FAM118B: variants seen among roughly 807,000 people sequenced by gnomAD.
FAM118B encodes SIR2 antiphage like 1.
A neutral mutation model predicts 38.5 loss-of-function variants in FAM118B; 24 were observed. The ratio of observed to expected loss-of-function variants is 0.62; its 90% CI spans 0.45 to 0.88. The LOEUF is 0.88. Ranked by LOEUF, FAM118B falls within the 40% of genes least tolerant of loss-of-function variation. The probability of loss-of-function intolerance (pLI) is 0.00; values close to 1 mark genes in which losing one functional copy is unlikely to be tolerated. For synonymous variants in FAM118B, 138 were observed against 156.3 expected (o/e 0.88, Z 0.87); for missense variants, 334 against 420.0 (o/e 0.80, Z 1.79).
At chr11:126,213,713 C>A (rs963264473) in intron 1 of FAM118B, among the ~76,000 whole-genome samples, 1 of 152,180 alleles carries the variant, frequency 6.6e-6, no homozygotes, top group Non-Finnish European at 1.5e-5. Context: ...CAAGAAACTA[C>A]ACCTGTTCTT....
intron 4 of FAM118B, among the ~76,000 whole-genome samples, chr11:126,248,417 C>G (rs1443304813): frequency 1.7e-5 from 2 of 114,900 alleles, no homozygotes; most frequent in East Asian, 6.3e-4. Context: ...GTTGCCCAGG[C>G]TGGAGTGCAA....
chr11:126,237,869 A>AG (rs1384527730), intron 3 of FAM118B, among the ~76,000 whole-genome samples: 3 of 150,652 alleles, frequency 2.0e-5, no homozygotes, highest in Non-Finnish European at 4.4e-5. Flanking sequence ...AAAAAAAAAA[A>AG]AAAAGAAAAG....
At chr11:126,223,417 T>G (rs2135134539) in intron 1 of FAM118B, among the ~76,000 whole-genome samples, 1 of 151,848 alleles carries the variant, frequency 6.6e-6, no homozygotes, top group Non-Finnish European at 1.5e-5. Flanking sequence ...GCTAACACGG[T>G]GAAACCCCAT....
rs1008970230 is a variant in FAM118B, at chr11:126,246,630, T to G, written c.340-3876T>G. Among the ~76,000 whole-genome samples, 3 of 152,142 alleles carry G rather than the reference T, an allele frequency of 2.0e-5. No individual in the cohort carries two copies. In the Middle Eastern group the frequency reaches 0.01, roughly 517 times the overall value. ...TTTTCTTTCTTTTTTTAAATAGAAATGGGGTCTCCCTGTGTTGCCCAGGCT... is the reference window on the plus strand; with the variant it reads ...TTTTCTTTCTTTTTTTAAATAGAAAGGGGGTCTCCCTGTGTTGCCCAGGCT... On this transcript the variant is annotated intron_variant, in intron 4 of 8. Transcript: ENST00000533050.
At chr11:126,214,518 T>TTTTTTTTTTTTG (rs1555048625) in intron 1 of FAM118B, 1 of 129,056 alleles carries the variant, frequency 7.7e-6, no homozygotes, top group Non-Finnish European at 1.7e-5. Flanking sequence ...TTTTTTGTTT[T>TTTTTTTTTTTTG]TTTTTTTTTA....
intron 1 of FAM118B, among the ~76,000 whole-genome samples, chr11:126,222,797 C>T (rs1317192397): frequency 6.6e-6 from 1 of 152,202 alleles, no homozygotes; most frequent in Non-Finnish European, 1.5e-5. Context: ...ACTTCTTCTG[C>T]ACCGTATACA....
intron 1 of FAM118B, among the ~76,000 whole-genome samples, chr11:126,219,790 A>C (rs1485620004): frequency 1.3e-5 from 2 of 152,044 alleles, no homozygotes; most frequent in Non-Finnish European, 2.9e-5. Flanking sequence ...AGCCACTAGA[A>C]ATAGACTGCT....
In FAM118B at chr11:126,252,838, C is replaced by A. The variant is rs1950523284; in HGVS notation, c.568-1467C>A. On this transcript the variant is annotated intron_variant, in intron 5 of 8. Transcript: ENST00000533050. The surrounding 1 kb of genome is among the most constrained non-coding windows in gnomAD (Gnocchi z 4.7). The stretch of plus-strand genomic sequence containing the variant: ...TCACTTGAGGTCAGGATTTTGAGAC[C>A]AGCCTGTCCAACATGGTGAAACCCC... Among the ~76,000 whole-genome samples the A allele has an allele frequency of 6.6e-6, 1 of 152,054 alleles. No individual in the cohort carries two copies. The highest frequency in any genetic ancestry group is 1.5e-5 in the Non-Finnish European group (1 of 68,032).
chr11:126,232,722 TAA>T (rs908033174), intron 2 of FAM118B, among the ~76,000 whole-genome samples: 2 of 150,988 alleles, frequency 1.3e-5, no homozygotes, highest in African/African-American at 2.4e-5. Flanking sequence ...TATTTTTTTT[TAA>T]AAAAATATAT....
intron 4 of FAM118B, among the ~76,000 whole-genome samples, chr11:126,241,627 G>A (rs1950359466): frequency 6.6e-6 from 1 of 151,878 alleles, no homozygotes; most frequent in South Asian, 2.1e-4. Context: ...TCGCCTCATG[G>A]CAGCCTCCGC....
At chr11:126,248,358 C>CTTT (rs1167017613) in intron 4 of FAM118B, among the ~76,000 whole-genome samples, 1,193 of 36,940 alleles carry the variant, frequency 0.032, 533 homozygotes, top group East Asian at 0.091. Context: ...TAGTAGTTGA[C>CTTT]TTTTTTTTTT....
intron 2 of FAM118B, among the ~76,000 whole-genome samples, chr11:126,232,171 T>G (rs1950214644): frequency 2.0e-5 from 3 of 152,182 alleles, no homozygotes; most frequent in South Asian, 4.1e-4. Context: ...TTGTTTTGTT[T>G]TTAATATTTG....
chr11:126,223,939 T>G (rs900851762), intron 1 of FAM118B, among the ~76,000 whole-genome samples: 1 of 152,244 alleles, frequency 6.6e-6, no homozygotes, highest in African/African-American at 2.4e-5. Flanking sequence ...AATATTGATT[T>G]ATTTGTGTAC....
rs922857954 is a variant in FAM118B at position 126,250,944 on chromosome 11, A to C, written c.567+211A>C. Among the ~76,000 whole-genome samples, 2 of 152,214 alleles carry C rather than the reference A, an allele frequency of 1.3e-5. No individual in the cohort carries two copies. Among genetic ancestry groups the C allele is most frequent in the Non-Finnish European group, 2.9e-5 (2 of 68,040 alleles). On this transcript the variant is annotated intron_variant, in intron 5 of 8. Coordinates refer to ENST00000533050, the MANE Select transcript of FAM118B (RefSeq NM_024556.4). The surrounding 1 kb of genome is among the most constrained non-coding windows in gnomAD (Gnocchi z 5.1). ...ATAGAACTTAAAAGTGTTCAGTTCT[A>C]TGACTCTTGACAATTTCATCCAGTT... is the stretch of plus-strand genomic sequence containing the variant.
chr11:126,258,019 A>C (rs1389857032), intron 7 of FAM118B, among the ~76,000 whole-genome samples: 1 of 152,170 alleles, frequency 6.6e-6, no homozygotes, highest in East Asian at 1.9e-4. Context: ...TGACTCATCC[A>C]TCTAATTCCA....
intron 1 of FAM118B, among the ~76,000 whole-genome samples, chr11:126,219,186 G>A (rs546264752): frequency 1.1e-4 from 17 of 151,944 alleles, no homozygotes; most frequent in African/African-American, 2.4e-4. Flanking sequence ...TTTTAATAGC[G>A]TACTTTGAAA....
At chr11:126,222,009 G>A (rs906013322) in intron 1 of FAM118B, among the ~76,000 whole-genome samples, 4 of 152,210 alleles carry the variant, frequency 2.6e-5, no homozygotes, top group Admixed American at 6.5e-5. Context: ...TTTCTCCAAA[G>A]GTGTAGACTT....
rs944396878 is a variant in FAM118B, at chr11:126,228,131, A to G, written c.-76-1094A>G. 1.1e-4 allele frequency among the ~76,000 whole-genome samples: 17 copies of G among 151,870 alleles called. No individual in the cohort carries two copies. In the East Asian group the frequency reaches 3.3e-3, roughly 29 times the overall value. ...TGTTTTTAATTTTCAGCTCTATTTA[A>G]GTTGGAAATCCTCAAGGAAGTGAAA... On this transcript the variant is annotated intron_variant, in intron 1 of 8. Coordinates refer to ENST00000533050, the MANE Select transcript of FAM118B (RefSeq NM_024556.4).
intron 4 of FAM118B, among the ~76,000 whole-genome samples, chr11:126,241,696 T>C (rs986660990): frequency 3.9e-5 from 6 of 152,006 alleles, no homozygotes; most frequent in Non-Finnish European, 8.8e-5. Context: ...ATTACAGGCA[T>C]GTGCCACCAT....
Sources: gnomAD v4.1 joint callset for allele counts (sites outside exome capture counted in the v4.1 genomes callset) on GRCh38, gnomAD v4.1.1 for gene constraint, Gnocchi (gnomAD v3.1) non-coding constraint, MANE v1.5 for transcripts, NCBI Gene and HGNC (gene_info 2026-07-23, HGNC 2026-07-21) for gene names.